The following SPAG16 variants were observed in gnomAD, a reference collection of about 807,000 sequenced individuals.
SPAG16 encodes the protein sperm-associated antigen 16 protein.
A neutral mutation model predicts 80.4 loss-of-function variants in SPAG16; 86 were observed. The observed-to-expected ratio is 1.07, with a 90% CI of 0.90 to 1.28. The LOEUF is 1.28. Ranked by LOEUF, SPAG16 falls within the 50% of genes most tolerant of loss-of-function variation. The probability of loss-of-function intolerance (pLI) is 0.00; values close to 1 mark genes in which losing one functional copy is unlikely to be tolerated. For synonymous variants in SPAG16, 294 were observed against 265.9 expected (o/e 1.11, Z -1.03); for missense variants, 870 against 765.3 (o/e 1.14, Z -1.61).
rs1174401168 is a variant in SPAG16, at chr2:214,327,841, T to G, written c.1721-82299T>G. Among the ~76,000 whole-genome samples the G allele has an allele frequency of 2.0e-5, 3 of 152,230 alleles. No individual in the cohort carries two copies. The East Asian group carries it at 5.8e-4, about 29-fold the overall frequency. On this transcript the variant is annotated intron_variant, in intron 15 of 15. Coordinates refer to ENST00000331683, the MANE Select transcript of SPAG16 (RefSeq NM_024532.5). ...CCATTATTCTGAAATTGATTTACTC[T>G]TCCTGATGGAAAAGTATAAAATTTG...
chr2:214,113,166 A>G (rs2053761820), intron 14 of SPAG16, among the ~76,000 whole-genome samples: 1 of 152,172 alleles, frequency 6.6e-6, no homozygotes, highest in Admixed American at 6.5e-5. Context: ...TCTGGCTTGT[A>G]AGGTTTCTAT....
At chr2:213,628,914 G>A (rs2062048607) in intron 10 of SPAG16, among the ~76,000 whole-genome samples, 1 of 152,056 alleles carries the variant, frequency 6.6e-6, no homozygotes, top group African/African-American at 2.4e-5. Flanking sequence ...TTTGTATTAA[G>A]CACTATGGTA....
At position 214,166,704 on chromosome 2, in the gene SPAG16, G is replaced by A. The variant is rs540482207; in HGVS notation, c.1720+17438G>A. 8.5e-5 allele frequency among the ~76,000 whole-genome samples: 13 copies of A among 152,184 alleles called. No individual in the cohort carries two copies. In the East Asian group the frequency reaches 1.9e-3, roughly 23 times the overall value. On this transcript the variant is annotated intron_variant, in intron 15 of 15. Transcript: ENST00000331683. ...TTTGTTTCCTGGCGGGGCCCTGACC[G>A]ACACAGTTGCTCATAAAAGGCCTGG...
chr2:213,978,629 C>T (rs2045540683), intron 12 of SPAG16, among the ~76,000 whole-genome samples: 1 of 152,210 alleles, frequency 6.6e-6, no homozygotes, highest in South Asian at 2.1e-4. Flanking sequence ...GAACAGCAAA[C>T]ATTTACTGTC....
chr2:213,943,147 G>A (rs757212476), intron 12 of SPAG16, among the ~76,000 whole-genome samples: 22 of 152,210 alleles, frequency 1.4e-4, no homozygotes, highest in Non-Finnish European at 2.1e-4. Context: ...AAATCACCCC[G>A]TCTGTGGTAT....
chr2:213,441,225 T>A (rs150092515), intron 9 of SPAG16, among the ~76,000 whole-genome samples: 1 of 152,334 alleles, frequency 6.6e-6, no homozygotes, highest in Non-Finnish European at 1.5e-5. Flanking sequence ...CAACTTTATT[T>A]GAAATAGATA....
intron 10 of SPAG16, among the ~76,000 whole-genome samples, chr2:213,728,583 G>GAGAT (rs1275310276): frequency 6.6e-6 from 1 of 152,014 alleles, no homozygotes; most frequent in Non-Finnish European, 1.5e-5. Flanking sequence ...ATACAAAAAG[G>GAGAT]AGATGATGGT....
chr2:213,881,551 A>T (rs1481382282), intron 11 of SPAG16, among the ~76,000 whole-genome samples: 2 of 152,174 alleles, frequency 1.3e-5, no homozygotes, highest in Non-Finnish European at 2.9e-5. Context: ...ATGGCTGGGG[A>T]GGCCTCAGGA....
chr2:213,369,174 G>A (rs1482385058), intron 8 of SPAG16, among the ~76,000 whole-genome samples: 4 of 152,064 alleles, frequency 2.6e-5, no homozygotes, highest in Non-Finnish European at 5.9e-5. Flanking sequence ...AGGCAAGCTC[G>A]GAGATTTTTT....
intron 10 of SPAG16, among the ~76,000 whole-genome samples, chr2:213,715,600 G>A (rs760445016): frequency 3.3e-5 from 5 of 152,128 alleles, no homozygotes; most frequent in African/African-American, 9.7e-5. Context: ...AGTGAATTAC[G>A]TGAAATGATT....
At chr2:213,582,381 C>G (rs113503659) in intron 10 of SPAG16, among the ~76,000 whole-genome samples, 5 of 152,222 alleles carry the variant, frequency 3.3e-5, no homozygotes, top group African/African-American at 1.2e-4. Context: ...ACCTCAGGTT[C>G]TTTCTTATAC....
intron 10 of SPAG16, among the ~76,000 whole-genome samples, chr2:213,588,813 A>AAAAAC: frequency 8.9e-6 from 1 of 111,998 alleles, no homozygotes; most frequent in Non-Finnish European, 1.7e-5. Flanking sequence ...CGTCTCAAAA[A>AAAAAC]AAAAAAAAAA....
intron 10 of SPAG16, among the ~76,000 whole-genome samples, chr2:213,746,126 A>AT (rs1433077283): frequency 6.6e-6 from 1 of 152,210 alleles, no homozygotes; most frequent in African/African-American, 2.4e-5. Context: ...CCCCTGGCAT[A>AT]TTTTTTGTCA....
At chr2:214,114,818 G>A (rs138760060) in intron 14 of SPAG16, among the ~76,000 whole-genome samples, 1,581 of 152,210 alleles carry the variant, frequency 0.01, 22 homozygotes, top group African/African-American at 0.036. Flanking sequence ...TGCACCCACT[G>A]TCCAACCAGT....
At chr2:213,654,261 A>T (rs1287377849) in intron 10 of SPAG16, among the ~76,000 whole-genome samples, 1 of 152,210 alleles carries the variant, frequency 6.6e-6, no homozygotes, top group Non-Finnish European at 1.5e-5. Flanking sequence ...CTGAACATCT[A>T]AATAACAAAT....
Position 214,177,789 on chromosome 2 carries a change from ATAAT to A in SPAG16, c.1720+28528_1720+28531del, listed in dbSNP as rs987541735. On this transcript the variant is annotated intron_variant, in intron 15 of 15. Coordinates refer to ENST00000331683, the MANE Select transcript of SPAG16 (RefSeq NM_024532.5). Reference sequence around the variant, plus strand: ...ACCTAACAAACAATGAAGTTTTATAATAATTAATAAAAACCATAAGTTTGTTCCT... The same window carrying A: ...ACCTAACAAACAATGAAGTTTTATAATAATAAAAACCATAAGTTTGTTCCT... Among the ~76,000 whole-genome samples the A allele has an allele frequency of 4.8e-4, 72 of 148,926 alleles. No homozygotes were observed. The Middle Eastern group carries it at 0.014, about 29-fold the overall frequency.
intron 12 of SPAG16, among the ~76,000 whole-genome samples, chr2:213,965,700 CT>C (rs1332304544): frequency 2.0e-5 from 3 of 152,120 alleles, no homozygotes; most frequent in African/African-American, 7.2e-5. Context: ...CACTGTTATG[CT>C]TTTTTCTCCA....
At chr2:213,479,603 G>A (rs1442873974) in intron 9 of SPAG16, among the ~76,000 whole-genome samples, 2 of 152,040 alleles carry the variant, frequency 1.3e-5, no homozygotes, top group African/African-American at 4.8e-5. Flanking sequence ...AGCACTATCT[G>A]TTAACATTGG....
intron 9 of SPAG16, among the ~76,000 whole-genome samples, chr2:213,382,339 T>G (rs1175764291): frequency 6.6e-6 from 1 of 152,224 alleles, no homozygotes; most frequent in Non-Finnish European, 1.5e-5. Context: ...GTCCTCAGTA[T>G]CTGTCAGAGC....
Sources: gnomAD v4.1 joint callset for allele counts (sites outside exome capture counted in the v4.1 genomes callset) on GRCh38, gnomAD v4.1.1 for gene constraint, MANE v1.5 for transcripts, NCBI Gene and HGNC (gene_info 2026-07-23, HGNC 2026-07-21) for gene names.